CELF2: variants seen among roughly 807,000 people sequenced by gnomAD.
CELF2 encodes the protein CUG triplet repeat RNA-binding protein 2.
Under a neutral mutation model 62.6 loss-of-function variants are expected in CELF2, and 8 were observed. The ratio of observed to expected loss-of-function variants is 0.13; its 90% CI spans 0.07 to 0.23. The LOEUF (loss-of-function observed/expected upper bound fraction) is 0.23. CELF2 is among the 10% of genes least tolerant of loss of function. CELF2 has a pLI of 1.00. For synonymous variants in CELF2, 258 were observed against 250.0 expected, an observed-to-expected ratio of 1.03 and a Z score of -0.30; for missense variants, 333 against 671.0, an observed-to-expected ratio of 0.50 and a Z score of 5.56.
chr10:11,197,060 A>AGAAAGAAAGAAAG (rs1350011258), intron 2 of CELF2, among the ~76,000 whole-genome samples: 1 of 106,544 alleles, frequency 9.4e-6, no homozygotes, highest in African/African-American at 4.2e-5. Flanking sequence ...AAAGAAAGAA[A>AGAAAGAAAGAAAG]AGAAAGAAAG....
chr10:10,775,585 C>T, the CELF2 span, among the ~76,000 whole-genome samples: 11 of 150,422 alleles, frequency 7.3e-5, no homozygotes, highest in South Asian at 2.1e-4. Flanking sequence ...GAGATGGTGC[C>T]GCTGCATGAC....
At chr10:11,286,320 C>CA (rs2091294521) in intron 8 of CELF2, among the ~76,000 whole-genome samples, 2 of 152,232 alleles carry the variant, frequency 1.3e-5, no homozygotes, top group African/African-American at 4.8e-5. Context: ...GTGCCATATG[C>CA]ATATTGTAGG....
chr10:11,197,424 A>G (rs2058246051), intron 2 of CELF2, among the ~76,000 whole-genome samples: 1 of 152,248 alleles, frequency 6.6e-6, no homozygotes, highest in African/African-American at 2.4e-5. Context: ...AAATAAACAG[A>G]TACTAGGGTA....
In CELF2 at chr10:11,081,465, A is replaced by G. The variant is rs556323669; in HGVS notation, c.74+63302A>G. On this transcript the variant is annotated intron_variant, in intron 1 of 12. Coordinates refer to ENST00000633077, the MANE Select transcript of CELF2 (RefSeq NM_001326342.2). The stretch of plus-strand genomic sequence containing the variant: ...CTAAACAAAATGTTAGGGAAAGAGC[A>G]TTCACGTTCCCAATAGAACATTTTT... Among the ~76,000 whole-genome samples the G allele has an allele frequency of 3.3e-5, 5 of 152,092 alleles. No homozygotes were observed. The East Asian group carries it at 7.8e-4, about 24-fold the overall frequency.
the CELF2 span, among the ~76,000 whole-genome samples, chr10:10,561,384 C>A: frequency 6.6e-6 from 1 of 152,166 alleles, no homozygotes; most frequent in Non-Finnish European, 1.5e-5. Flanking sequence ...AGTCATGCTC[C>A]ATTTCCTTTC....
intron 1 of CELF2, among the ~76,000 whole-genome samples, chr10:11,126,049 A>C (rs916035430): frequency 6.6e-6 from 1 of 152,176 alleles, no homozygotes; most frequent in Admixed American, 6.6e-5. Context: ...AAAATACTAC[A>C]TCCTGCAGCT....
intron 2 of CELF2, among the ~76,000 whole-genome samples, chr10:10,984,951 G>A (rs1441739006): frequency 6.6e-6 from 1 of 152,054 alleles, no homozygotes; most frequent in Non-Finnish European, 1.5e-5. Flanking sequence ...GAAGAGAAAC[G>A]GGCATGTGAA....
chr10:10,621,173 G>T, the CELF2 span, among the ~76,000 whole-genome samples: 1 of 150,792 alleles, frequency 6.6e-6, no homozygotes, highest in East Asian at 1.9e-4. Context: ...GAACCCAGGA[G>T]GTGGAGCTTG....
chr10:10,483,235 A>G, the CELF2 span, among the ~76,000 whole-genome samples: 48 of 137,054 alleles, frequency 3.5e-4, no homozygotes, highest in African/African-American at 1.1e-3. Context: ...AAAAAAAAAA[A>G]GCATAGACTT....
intron 1 of CELF2, among the ~76,000 whole-genome samples, chr10:11,153,115 G>A (rs1455886610): frequency 3.3e-5 from 5 of 152,222 alleles, no homozygotes; most frequent in African/African-American, 4.8e-5. Context: ...GTTGGCTCAT[G>A]CCTAATTTTC....
intron 5 of CELF2, among the ~76,000 whole-genome samples, chr10:11,263,559 T>C (rs2081336290): frequency 6.6e-6 from 1 of 152,206 alleles, no homozygotes; most frequent in Non-Finnish European, 1.5e-5. Context: ...ATCAGAGCAG[T>C]TGTCCTGTAA....
chr10:11,193,649 C>G (rs550053755), intron 2 of CELF2, among the ~76,000 whole-genome samples: 2 of 152,194 alleles, frequency 1.3e-5, no homozygotes, highest in South Asian at 2.1e-4. Context: ...ACCTAGGGGC[C>G]GGGTGTACAG....
At chr10:11,229,535 G>A (rs73579355) in intron 3 of CELF2, among the ~76,000 whole-genome samples, 6,041 of 152,042 alleles carry the variant, frequency 0.04, 419 homozygotes, top group African/African-American at 0.14. Flanking sequence ...TTTTAAAACT[G>A]TGTATGCCCA....
rs750684940 is a variant in CELF2, at chr10:11,246,740, G to T, written c.355-2413G>T. Among the ~76,000 whole-genome samples the T allele has an allele frequency of 5.9e-5, 9 of 152,070 alleles. No homozygotes were observed. Among genetic ancestry groups the T allele is most frequent in the African/African-American group, 2.2e-4 (9 of 41,388 alleles). ...GGTATTCTCTGCAGTTCTGTCCTCG[G>T]CTCTCAGCTCTTTGCACCCTTCTTT... On this transcript the variant is annotated intron_variant, in intron 3 of 12. Coordinates refer to ENST00000633077, the MANE Select transcript of CELF2 (RefSeq NM_001326342.2). The surrounding 1 kb of genome is among the most constrained non-coding windows in gnomAD (Gnocchi z 4.6).
At chr10:11,235,578 C>CA (rs1182520490) in intron 3 of CELF2, among the ~76,000 whole-genome samples, 1 of 152,156 alleles carries the variant, frequency 6.6e-6, no homozygotes, top group Non-Finnish European at 1.5e-5. Flanking sequence ...AAATTAAACT[C>CA]AAACTCATGA....
At chr10:10,733,997 A>G in the CELF2 span, among the ~76,000 whole-genome samples, 3 of 152,212 alleles carry the variant, frequency 2.0e-5, no homozygotes, top group Non-Finnish European at 4.4e-5. Flanking sequence ...GAAATTAAAC[A>G]TTTTATAAAA....
chr10:11,229,473 C>T (rs553631000), intron 3 of CELF2, among the ~76,000 whole-genome samples: 16 of 152,266 alleles, frequency 1.1e-4, no homozygotes, highest in Non-Finnish European at 2.1e-4. Flanking sequence ...CATATAAAAC[C>T]GGGGCAGTGA....
chr10:10,695,806 T>C, the CELF2 span, among the ~76,000 whole-genome samples: 1 of 152,064 alleles, frequency 6.6e-6, no homozygotes, highest in Non-Finnish European at 1.5e-5. Context: ...CATCGGCTCC[T>C]GAGGCTTCTG....
the CELF2 span, among the ~76,000 whole-genome samples, chr10:10,616,715 TGTGTGAGAGA>T: frequency 2.3e-5 from 3 of 131,776 alleles, no homozygotes; most frequent in African/African-American, 5.5e-5. Flanking sequence ...TGTGTGTGTG[TGTGTGAGAGA>T]GAGAGAGAGA....
Sources: gnomAD v4.1 joint callset for allele counts (sites outside exome capture counted in the v4.1 genomes callset) on GRCh38, gnomAD v4.1.1 for gene constraint, Gnocchi (gnomAD v3.1) non-coding constraint, MANE v1.5 for transcripts, NCBI Gene and HGNC (gene_info 2026-07-23, HGNC 2026-07-21) for gene names.